Variants in ARHGEF28 observed in about 807,000 individuals in gnomAD.
ARHGEF28 encodes Rho guanine nucleotide exchange factor 28, also known as 190 kDa guanine nucleotide exchange factor.
Under a neutral mutation model 206.6 loss-of-function variants are expected in ARHGEF28, and 152 were observed. That is an observed-to-expected ratio of 0.74 (90% confidence interval 0.64 to 0.84). The LOEUF is 0.84. Ranked by LOEUF, ARHGEF28 falls within the 40% of genes least tolerant of loss-of-function variation. The pLI is 0.00. For synonymous variants in ARHGEF28, 763 were observed against 776.4 expected (o/e 0.98, Z 0.29); for missense variants, 2,028 against 2,073.2 (o/e 0.98, Z 0.42).
chr5:73,658,935 C>A (rs372137927), intron 1 of ARHGEF28, among the ~76,000 whole-genome samples: 1 of 150,158 alleles, frequency 6.7e-6, no homozygotes, highest in East Asian at 2.0e-4. Context: ...AGACCACATA[C>A]CTAGACAGGT....
intron 2 of ARHGEF28, among the ~76,000 whole-genome samples, chr5:73,739,828 A>AAAAT (rs571150752): frequency 0.074 from 10,406 of 140,138 alleles, 671 homozygotes; most frequent in African/African-American, 0.16. Flanking sequence ...AATAATAATA[A>AAAAT]AAATAAATAA....
At chr5:73,927,054 A>G (rs1190756360) in intron 35 of ARHGEF28, among the ~76,000 whole-genome samples, 1 of 152,128 alleles carries the variant, frequency 6.6e-6, no homozygotes, top group Non-Finnish European at 1.5e-5. Flanking sequence ...CACCTGGTGG[A>G]CAATTGAAAG....
intron 9 of ARHGEF28, among the ~76,000 whole-genome samples, chr5:73,811,765 G>A (rs146819110): frequency 3.3e-5 from 5 of 152,074 alleles, no homozygotes; most frequent in Non-Finnish European, 7.4e-5. Flanking sequence ...GGTGGATCAC[G>A]TGAGGTCAGG....
At chr5:73,688,150 C>T (rs928474857) in intron 2 of ARHGEF28, among the ~76,000 whole-genome samples, 8 of 152,012 alleles carry the variant, frequency 5.3e-5, no homozygotes, top group Non-Finnish European at 8.8e-5. Context: ...TATGTTAATG[C>T]ACTAGAAAAT....
intron 2 of ARHGEF28, among the ~76,000 whole-genome samples, chr5:73,741,385 G>GTATATATATA (rs67973637): frequency 4.1e-4 from 9 of 21,848 alleles, no homozygotes; most frequent in Non-Finnish European, 5.3e-4. Context: ...GTGTGTGTGT[G>GTATATATATA]TATATATATA....
At chr5:73,856,031 G>A (rs1054000084) in intron 14 of ARHGEF28, among the ~76,000 whole-genome samples, 8 of 152,104 alleles carry the variant, frequency 5.3e-5, no homozygotes, top group African/African-American at 1.7e-4. Flanking sequence ...TCTCTTAGAC[G>A]TTGGATAGCA....
At chr5:73,792,804 A>T (rs1754561372) in intron 7 of ARHGEF28, among the ~76,000 whole-genome samples, 1 of 152,246 alleles carries the variant, frequency 6.6e-6, no homozygotes, top group East Asian at 1.9e-4. Context: ...TTCTGCATCT[A>T]TGTAGTGGGA....
At chr5:73,675,302 G>GT (rs1206104147) in intron 1 of ARHGEF28, among the ~76,000 whole-genome samples, 1 of 151,812 alleles carries the variant, frequency 6.6e-6, no homozygotes, top group Non-Finnish European at 1.5e-5. Flanking sequence ...AGAAGAAACT[G>GT]TTTTTTTTCT....
intron 13 of ARHGEF28, among the ~76,000 whole-genome samples, chr5:73,851,601 G>A (rs1411526667): frequency 6.6e-6 from 1 of 152,098 alleles, no homozygotes; most frequent in Non-Finnish European, 1.5e-5. Context: ...AAGAATTTGA[G>A]GAATGACGTA....
At chr5:73,832,581 T>A in intron 10 of ARHGEF28, 122 bp downstream of exon 10, 3 of 1,352,868 alleles carry the variant, frequency 2.2e-6, no homozygotes, top group Non-Finnish European at 3.0e-6. Context: ...GCAAAGAGGA[T>A]GCTGTTGTGG....
rs1162720807 is a variant in ARHGEF28 at position 73,872,995 on chromosome 5, T to C, written c.2567-4T>C. ...TAAGGCTTATGTGTGCTCACACATT[T>C]CAGAGCTAATGCAAACAGAGATGCA... On this transcript the variant is annotated splice_polypyrimidine_tract_variant and splice_region_variant and intron_variant, in intron 21 of 35. Transcript: ENST00000513042. 1 of 1,613,408 alleles carries C rather than the reference T, an allele frequency of 6.2e-7. No individual in the cohort carries two copies. The highest frequency in any genetic ancestry group is 1.3e-5 in the African/African-American group (1 of 75,046).
At chr5:73,857,949 T>C in intron 15 of ARHGEF28, 138 bp from the exon 16 acceptor site, 1 of 1,382,516 alleles carries the variant, frequency 7.2e-7, no homozygotes, top group Non-Finnish European at 9.8e-7. Flanking sequence ...TGTTATGGTG[T>C]CCCTCTGTGT....
intron 2 of ARHGEF28, among the ~76,000 whole-genome samples, chr5:73,748,702 C>T (rs921586060): frequency 1.3e-5 from 2 of 152,156 alleles, no homozygotes; most frequent in African/African-American, 4.8e-5. Context: ...GATGCTTCTC[C>T]ACGCAGGGCC....
rs140232610 is a variant in ARHGEF28, at chr5:73,825,377, C to T, written c.1025-6961C>T. On this transcript the variant is annotated intron_variant, in intron 9 of 35. Transcript: ENST00000513042. Reference sequence around the variant, plus strand: ...CTGCTGGAAGGTGGAGCAGCAAGTGCAAGTGGCCTGAGGCAAAAACAGCAA... The same window carrying T: ...CTGCTGGAAGGTGGAGCAGCAAGTGTAAGTGGCCTGAGGCAAAAACAGCAA... Among the ~76,000 whole-genome samples, 117 of 152,260 alleles carry T rather than the reference C, an allele frequency of 7.7e-4. 1 individual carries two copies. Among genetic ancestry groups the T allele is most frequent in the African/African-American group, 2.8e-3 (116 of 41,536 alleles).
rs1440022607 is a variant in ARHGEF28, at chr5:73,846,191, G to A, written c.1428-77G>A. The A allele has an allele frequency of 2.2e-6, 3 of 1,392,236 alleles. No individual in the cohort carries two copies. In the African/African-American group the frequency reaches 4.3e-5, roughly 20 times the overall value. The allele number at this position is 1,392,236 out of a possible 1,614,324, so 86.2% of individuals were successfully genotyped here. A position where few individuals can be genotyped will look rare whatever the true frequency, so the allele number is the denominator to read the frequency against. ...CCCCCCGCCCCAGTGAAAGAATCTG[G>A]ATTCAGAGAAGTAGAAACCAATGAC... On this transcript the variant is annotated intron_variant, in intron 11 of 35. Coordinates refer to ENST00000513042, the MANE Select transcript of ARHGEF28 (RefSeq NM_001177693.2).
intron 2 of ARHGEF28, among the ~76,000 whole-genome samples, chr5:73,687,561 G>A (rs1351191739): frequency 6.6e-6 from 1 of 152,006 alleles, no homozygotes; most frequent in Non-Finnish European, 1.5e-5. Flanking sequence ...TACCAAATGG[G>A]TAATGTCGTG....
chr5:73,704,078 G>A (rs1176689411), intron 2 of ARHGEF28, among the ~76,000 whole-genome samples: 1 of 151,972 alleles, frequency 6.6e-6, no homozygotes, highest in Non-Finnish European at 1.5e-5. Context: ...GGAATATGGG[G>A]AGGGAATGGG....
intron 35 of ARHGEF28, among the ~76,000 whole-genome samples, chr5:73,913,294 C>T (rs1215953118): frequency 6.6e-6 from 1 of 152,126 alleles, no homozygotes; most frequent in Non-Finnish European, 1.5e-5. Context: ...ATCAGAAATG[C>T]TGTGTGTACT....
chr5:73,672,403 C>T (rs577447656), intron 1 of ARHGEF28, among the ~76,000 whole-genome samples: 2 of 152,318 alleles, frequency 1.3e-5, no homozygotes, highest in African/African-American at 4.8e-5. Context: ...CCTGACATTA[C>T]CATGTTCTGC....
Sources: gnomAD v4.1 joint callset for allele counts (sites outside exome capture counted in the v4.1 genomes callset) on GRCh38, gnomAD v4.1.1 for gene constraint, MANE v1.5 for transcripts, NCBI Gene and HGNC (gene_info 2026-07-23, HGNC 2026-07-21) for gene names.